GFOD1: variants seen among roughly 807,000 people sequenced by gnomAD.
GFOD1 encodes the protein Gfo/Idh/MocA-like oxidoreductase domain containing 1, also known as glucose-fructose oxidoreductase domain-containing protein 1.
A neutral mutation model predicts 25.4 loss-of-function variants in GFOD1; 9 were observed. The ratio of observed to expected loss-of-function variants is 0.35; its 90% confidence interval spans 0.21 to 0.62. The LOEUF (loss-of-function observed/expected upper bound fraction) is 0.62, where lower values mean the gene tolerates loss of function less well. GFOD1 is among the 20% of genes least tolerant of loss of function. The probability of loss-of-function intolerance (pLI) is 0.72; values close to 1 mark genes in which losing one functional copy is unlikely to be tolerated. For synonymous variants in GFOD1, 253 were observed against 245.6 expected (o/e 1.03, Z -0.28); for missense variants, 403 against 556.9 (o/e 0.72, Z 2.78).
intron 1 of GFOD1, among the ~76,000 whole-genome samples, chr6:13,397,570 A>G (rs1442176878): frequency 2.0e-5 from 3 of 152,182 alleles, no homozygotes; most frequent in Non-Finnish European, 4.4e-5. Flanking sequence ...CCCACTGGGG[A>G]GAACAGAAGG....
intron 1 of GFOD1, chr6:13,469,849 C>G: frequency 9.3e-6 from 11 of 1,179,472 alleles, no homozygotes; most frequent in Non-Finnish European, 1.3e-5. Flanking sequence ...GGCCATGAGA[C>G]GTAAATGAGT....
At chr6:13,434,768 A>T (rs1476096950) in intron 1 of GFOD1, among the ~76,000 whole-genome samples, 1 of 152,240 alleles carries the variant, frequency 6.6e-6, no homozygotes, top group Non-Finnish European at 1.5e-5. Flanking sequence ...GAAGACAGTA[A>T]ATAGAAGCAT....
rs1784986413 is a variant in GFOD1 at position 13,363,754 on chromosome 6, A to G, written c.*989T>C. ...CCTCTATTTAGGAATTCACACTGCA[A>G]CACTGAGGCACACAGCTCTCCCCAG... On this transcript the variant is annotated 3_prime_UTR_variant, in exon 2 of 2. Coordinates refer to ENST00000379287, the MANE Select transcript of GFOD1 (RefSeq NM_018988.4). The G allele has an allele frequency of 6.6e-6, 1 of 152,056 alleles. No individual in the cohort carries two copies. The highest frequency in any genetic ancestry group is 1.5e-5 in the Non-Finnish European group (1 of 68,020). 9.4% of individuals were successfully genotyped at this position (152,056 alleles called of 1,614,324 possible). A position where few individuals can be genotyped will look rare whatever the true frequency, so the allele number is the denominator to read the frequency against.
intron 1 of GFOD1, among the ~76,000 whole-genome samples, chr6:13,367,400 C>T (rs78482586): frequency 7.9e-5 from 12 of 152,244 alleles, no homozygotes; most frequent in African/African-American, 2.2e-4. Context: ...GTTCGTTTAA[C>T]GTTTTTCTTT....
intron 1 of GFOD1, chr6:13,470,499 C>T (rs956341750): frequency 7.1e-6 from 11 of 1,549,862 alleles, no homozygotes; most frequent in African/African-American, 1.4e-5. Context: ...AGAGCAGCAT[C>T]GTGGGGGGTA....
At chr6:13,395,353 G>A (rs536998) in intron 1 of GFOD1, among the ~76,000 whole-genome samples, 98,477 of 152,100 alleles carry the variant, frequency 0.65, 32,926 homozygotes, top group South Asian at 0.74. Context: ...TCTCCCAAGA[G>A]GCACTGGATC....
intron 1 of GFOD1, among the ~76,000 whole-genome samples, chr6:13,413,797 C>T (rs577990088): frequency 7.2e-4 from 110 of 152,284 alleles, no homozygotes; most frequent in African/African-American, 2.4e-3. Context: ...GATAAGACCC[C>T]AAGGCTCTAC....
chr6:13,363,229 GTGTGTGTGTGCACGTGCA>G lies in GFOD1; in HGVS notation c.*1496_*1513del, dbSNP rs1356218096. 1 of 151,984 alleles carries G rather than the reference GTGTGTGTGTGCACGTGCA, an allele frequency of 6.6e-6. No homozygotes were observed. The highest frequency in any genetic ancestry group is 1.5e-5 in the Non-Finnish European group (1 of 68,066). The allele number at this position is 151,984 out of a possible 1,614,324, so 9.4% of individuals were successfully genotyped here. On this transcript the variant is annotated 3_prime_UTR_variant, in exon 2 of 2. Coordinates refer to ENST00000379287, the MANE Select transcript of GFOD1 (RefSeq NM_018988.4). ...CAAAAATCTGTGTGTGTGTGTGTGT[GTGTGTGTGTGCACGTGCA>G]TGTGTGTGTGTGTCTGTTCCCTTTT... is the stretch of plus-strand genomic sequence containing the variant.
intron 1 of GFOD1, among the ~76,000 whole-genome samples, chr6:13,379,434 G>A: frequency 6.6e-6 from 1 of 152,166 alleles, no homozygotes; most frequent in East Asian, 1.9e-4. Context: ...ATGGAGGAAG[G>A]TGGAGATCTG....
intron 1 of GFOD1, among the ~76,000 whole-genome samples, chr6:13,420,637 G>A (rs1332181925): frequency 6.6e-6 from 1 of 152,186 alleles, no homozygotes; most frequent in African/African-American, 2.4e-5. Context: ...TGAAAACCCA[G>A]TCAAGAGCTG....
At chr6:13,485,518 G>A (rs1758844937) in intron 1 of GFOD1, among the ~76,000 whole-genome samples, 1 of 152,066 alleles carries the variant, frequency 6.6e-6, no homozygotes, top group African/African-American at 2.4e-5. Flanking sequence ...TTTCAAAGGT[G>A]AGCTGCTCAT....
chr6:13,418,226 G>A (rs1169117639), intron 1 of GFOD1, among the ~76,000 whole-genome samples: 1 of 152,158 alleles, frequency 6.6e-6, no homozygotes, highest in Non-Finnish European at 1.5e-5. Context: ...GGGACAGGCA[G>A]GATTATAAAT....
intron 1 of GFOD1, among the ~76,000 whole-genome samples, chr6:13,374,462 C>T (rs1476350006): frequency 1.3e-5 from 2 of 151,788 alleles, no homozygotes; most frequent in Non-Finnish European, 2.9e-5. Flanking sequence ...ACCTGTAATG[C>T]ACCTGGCTCA....
intron 1 of GFOD1, among the ~76,000 whole-genome samples, chr6:13,473,161 G>A (rs939177642): frequency 1.3e-5 from 2 of 152,156 alleles, no homozygotes; most frequent in African/African-American, 2.4e-5. Context: ...GGAGATTATT[G>A]CATCCTTGCT....
chr6:13,440,489 C>A (rs964532405), intron 1 of GFOD1, among the ~76,000 whole-genome samples: 1 of 152,156 alleles, frequency 6.6e-6, no homozygotes, highest in Admixed American at 6.5e-5. Flanking sequence ...CCGTGTGTGG[C>A]CAACATGAAT....
chr6:13,397,959 A>G lies in GFOD1; in HGVS notation c.254-32297T>C, dbSNP rs188674076. 1.4e-3 allele frequency among the ~76,000 whole-genome samples: 208 copies of G among 152,344 alleles called. 1 individual carries two copies. The highest frequency in any genetic ancestry group is 0.01 in the Middle Eastern group (3 of 294). ...CCCAGATACTCCCTCTATCTTCCAA[A>G]GTATGCATCTTCTTTGCCCTGTCCT... On this transcript the variant is annotated intron_variant, in intron 1 of 1. Coordinates refer to ENST00000379287, the MANE Select transcript of GFOD1 (RefSeq NM_018988.4).
At chr6:13,483,541 G>A (rs1278655664) in intron 1 of GFOD1, among the ~76,000 whole-genome samples, 1 of 152,224 alleles carries the variant, frequency 6.6e-6, no homozygotes, top group African/African-American at 2.4e-5. Context: ...TGGCAGCAGT[G>A]TAGATAGTGG....
chr6:13,446,985 G>A (rs1226492386), intron 1 of GFOD1, among the ~76,000 whole-genome samples: 1 of 152,072 alleles, frequency 6.6e-6, no homozygotes, highest in Non-Finnish European at 1.5e-5. Flanking sequence ...CATCTGTAAG[G>A]GATGCTTTTG....
At chr6:13,410,955 G>A (rs1786067287) in intron 1 of GFOD1, among the ~76,000 whole-genome samples, 1 of 152,174 alleles carries the variant, frequency 6.6e-6, no homozygotes, top group African/African-American at 2.4e-5. Context: ...TTTCACGGAT[G>A]CAGAAGGAAA....
Sources: gnomAD v4.1 joint callset for allele counts (sites outside exome capture counted in the v4.1 genomes callset) on GRCh38, gnomAD v4.1.1 for gene constraint, MANE v1.5 for transcripts, NCBI Gene and HGNC (gene_info 2026-07-23, HGNC 2026-07-21) for gene names.